Variants in OTUD7A observed in about 807,000 individuals in gnomAD.
The protein encoded by OTUD7A is OTU deubiquitinase 7A.
In OTUD7A, 12 loss-of-function variants were observed where a neutral mutation model predicts 65.7. That is an observed-to-expected ratio of 0.18 (90% CI 0.12 to 0.30). OTUD7A has a LOEUF of 0.30. Among genes scored for constraint, OTUD7A ranks in the 10% least tolerant of loss-of-function variants. The pLI is 1.00. For missense variants in OTUD7A, 1,148 were observed against 1,304.8 expected (o/e 0.88, Z 1.85); for synonymous variants, 641 against 586.3 (o/e 1.09, Z -1.35).
intron 1 of OTUD7A, among the ~76,000 whole-genome samples, chr15:31,837,372 CAAAAA>C (rs57479397): frequency 2.5e-5 from 3 of 120,322 alleles, no homozygotes; most frequent in African/African-American, 9.7e-5. Context: ...ACTAAAAATA[CAAAAA>C]AAAAAAAAAA....
At chr15:31,858,591 C>T (rs980296327) in intron 1 of OTUD7A, among the ~76,000 whole-genome samples, 7 of 152,068 alleles carry the variant, frequency 4.6e-5, no homozygotes, top group Non-Finnish European at 1.0e-4. Flanking sequence ...CACGGATGTA[C>T]AATGCTATAC....
chr15:31,716,863 C>T (rs891574331), intron 1 of OTUD7A, among the ~76,000 whole-genome samples: 3 of 152,220 alleles, frequency 2.0e-5, no homozygotes, highest in Non-Finnish European at 2.9e-5. Flanking sequence ...AGCCACAAAG[C>T]CTGTGGCCTG....
chr15:31,525,319 A>C (rs1309636783), intron 8 of OTUD7A, among the ~76,000 whole-genome samples: 1 of 152,244 alleles, frequency 6.6e-6, no homozygotes. Context: ...GTTGGTATGG[A>C]CATAACATAG....
intron 3 of OTUD7A, among the ~76,000 whole-genome samples, chr15:31,617,666 T>C (rs1890633857): frequency 6.6e-6 from 1 of 152,144 alleles, no homozygotes; most frequent in Non-Finnish European, 1.5e-5. Flanking sequence ...GTAGTTCTAG[T>C]TACCTCTGGG....
intron 3 of OTUD7A, among the ~76,000 whole-genome samples, chr15:31,591,264 C>T (rs1460777942): frequency 1.3e-5 from 2 of 152,176 alleles, no homozygotes. Flanking sequence ...GCGGCATGCA[C>T]AAGCTTAACT....
Position 31,484,606 on chromosome 15 carries a change from C to T in OTUD7A, c.1490G>A (p.Gly497Asp). The change falls in exon 13 of 13, where the codon GGC becomes GAC. Residue 497 changes from glycine (G) to aspartate (D), a missense_variant. Physicochemically the swap from Gly to Asp is moderately conservative, Grantham distance 94. Transcript: ENST00000307050. The surrounding 1 kb of genome is among the most constrained non-coding windows in gnomAD (Gnocchi z 4.5). ...SVCSNSNSNN[G>D]KNGKDKEKEK... The stretch of plus-strand genomic sequence containing the variant: ...CTTCTCCTTGTCCTTGCCGTTCTTG[C>T]CGTTATTGCTGTTAGAATTGCTGCA... The T allele has an allele frequency of 1.2e-6, 2 of 1,604,548 alleles. No homozygotes were observed.
At chr15:31,722,207 T>A (rs1893758793) in intron 1 of OTUD7A, among the ~76,000 whole-genome samples, 1 of 151,976 alleles carries the variant, frequency 6.6e-6, no homozygotes, top group Non-Finnish European at 1.5e-5. Context: ...TGGGAGAGGG[T>A]GTAGGATGAG....
At chr15:31,722,154 G>A (rs905750211) in intron 1 of OTUD7A, among the ~76,000 whole-genome samples, 1 of 152,140 alleles carries the variant, frequency 6.6e-6, no homozygotes, top group Non-Finnish European at 1.5e-5. Context: ...GGGAGTGAAG[G>A]GCCCCCGATC....
intron 8 of OTUD7A, among the ~76,000 whole-genome samples, chr15:31,525,203 C>T (rs1213935108): frequency 6.6e-6 from 1 of 152,200 alleles, no homozygotes; most frequent in Non-Finnish European, 1.5e-5. Context: ...ACACTTAAGA[C>T]CCATCACAGG....
At chr15:31,511,018 CAT>C (rs796182314) in intron 8 of OTUD7A, among the ~76,000 whole-genome samples, 2 of 14,428 alleles carry the variant, frequency 1.4e-4, no homozygotes, top group Non-Finnish European at 2.3e-4. Flanking sequence ...ATGTAACATA[CAT>C]GTATATCTAT....
At position 31,713,226 on chromosome 15, in the gene OTUD7A, G is replaced by A. The variant is rs1893494431; in HGVS notation, c.-99-56149C>T. ...TTGATGGCGTTTCTGAATGTAGAGGGTAAAACAATAAATCCTCTAGAAAGC... is the reference window on the plus strand; with the variant it reads ...TTGATGGCGTTTCTGAATGTAGAGGATAAAACAATAAATCCTCTAGAAAGC... On this transcript the variant is annotated intron_variant, in intron 1 of 12. Transcript: ENST00000307050. 3.3e-5 allele frequency among the ~76,000 whole-genome samples: 5 copies of A among 152,208 alleles called. No individual in the cohort carries two copies. In the South Asian group the frequency reaches 1.0e-3, roughly 32 times the overall value.
chr15:31,803,961 C>A (rs1217609982), intron 1 of OTUD7A, among the ~76,000 whole-genome samples: 1 of 152,178 alleles, frequency 6.6e-6, no homozygotes, highest in South Asian at 2.1e-4. Flanking sequence ...GGTGATGATA[C>A]CAGATGACAA....
At chr15:31,816,720 ATACACTGAGACATTTACTACTT>A (rs1159016726) in intron 1 of OTUD7A, among the ~76,000 whole-genome samples, 58 of 152,276 alleles carry the variant, frequency 3.8e-4, no homozygotes, top group African/African-American at 1.4e-3. Context: ...CATGTTAAAC[ATACACTGAGACATTTACTACTT>A]AAAAGAATCC....
chr15:31,812,447 A>G (rs1005229247), intron 1 of OTUD7A, among the ~76,000 whole-genome samples: 1 of 152,178 alleles, frequency 6.6e-6, no homozygotes, highest in African/African-American at 2.4e-5. Context: ...GCTGGAGGAG[A>G]GAAGAAAGAG....
chr15:31,502,941 G>A (rs915344125), intron 9 of OTUD7A, among the ~76,000 whole-genome samples: 1 of 152,222 alleles, frequency 6.6e-6, no homozygotes, highest in African/African-American at 2.4e-5. Context: ...ATCCTGATTC[G>A]TAGAGCTCCC....
chr15:31,735,012 G>A lies in OTUD7A; in HGVS notation c.-99-77935C>T, dbSNP rs540893845. On this transcript the variant is annotated intron_variant, in intron 1 of 12. Transcript: ENST00000307050. ...GGCAAACTGTGCATCTAACAAAGGT[G>A]TAATATCCAGTATCTATAAGGAACT... is the stretch of plus-strand genomic sequence containing the variant. Among the ~76,000 whole-genome samples, 93 of 151,162 alleles carry A rather than the reference G, an allele frequency of 6.2e-4. 1 individual carries two copies. The South Asian group carries it at 0.018, about 29-fold the overall frequency.
At chr15:31,488,024 GCC>G (rs2041265013) in intron 10 of OTUD7A, among the ~76,000 whole-genome samples, 1 of 152,178 alleles carries the variant, frequency 6.6e-6, no homozygotes, top group African/African-American at 2.4e-5. Flanking sequence ...GTAATTTTGT[GCC>G]ACAAGTCTGT....
intron 1 of OTUD7A, among the ~76,000 whole-genome samples, chr15:31,727,238 C>T (rs1893916620): frequency 6.6e-6 from 1 of 152,228 alleles, no homozygotes. Context: ...CCCACCTTTC[C>T]CAACCTTCCC....
intron 1 of OTUD7A, among the ~76,000 whole-genome samples, chr15:31,703,330 A>T (rs1425181546): frequency 1.3e-5 from 2 of 152,214 alleles, no homozygotes; most frequent in Non-Finnish European, 2.9e-5. Flanking sequence ...TTTGCAAACC[A>T]TGTATCTGAC....
Sources: allele counts gnomAD v4.1 joint callset (sites outside exome capture counted in the v4.1 genomes callset), GRCh38; gene constraint gnomAD v4.1.1; non-coding constraint Gnocchi (gnomAD v3.1); transcripts MANE v1.5; gene names NCBI Gene and HGNC (gene_info 2026-07-23, HGNC 2026-07-21).